The following CSTF3 variants were observed in gnomAD, a reference collection of about 807,000 sequenced individuals.
CSTF3 encodes the protein cleavage stimulation factor subunit 3, also known as CF-1 77 kDa subunit.
In CSTF3, 29 loss-of-function variants were observed where a neutral mutation model predicts 105.8. The observed-to-expected ratio is 0.27, with a 90% CI of 0.20 to 0.37. The LOEUF is 0.37. CSTF3 is among the 10% of genes least tolerant of loss of function. The pLI, the probability that CSTF3 is intolerant of heterozygous loss-of-function variation, is 1.00. For synonymous variants in CSTF3, 252 were observed against 281.9 expected, an observed-to-expected ratio of 0.89 and a Z score of 1.06; for missense variants, 357 against 879.3, an observed-to-expected ratio of 0.41 and a Z score of 7.51.
intron 20 of CSTF3, 132 bp downstream of exon 20, chr11:33,085,581 A>G: frequency 1.3e-6 from 1 of 773,624 alleles, no homozygotes; most frequent in Non-Finnish European, 2.2e-6. Flanking sequence ...GGTTTGGGTA[A>G]CTCCTGGGTT....
chr11:33,122,929 A>G (rs1295608818), intron 3 of CSTF3, among the ~76,000 whole-genome samples: 4 of 147,538 alleles, frequency 2.7e-5, no homozygotes, highest in East Asian at 1.9e-4. Flanking sequence ...AAAAAAAAAA[A>G]AAAAAGAAAA....
At chr11:33,098,289 C>T (rs975807875) in intron 13 of CSTF3, among the ~76,000 whole-genome samples, 1 of 152,094 alleles carries the variant, frequency 6.6e-6, no homozygotes, top group Admixed American at 6.6e-5. Context: ...TCGGTTTCTC[C>T]CGCCTCATTT....
chr11:33,107,802 A>T lies in CSTF3; in HGVS notation c.356+101T>A, dbSNP rs533335215. ...GGAAATCCTGACTTTTCAAATCCTGATAATTCTTCCCACTTGGGGCTAACA... is the reference window on the plus strand; with the variant it reads ...GGAAATCCTGACTTTTCAAATCCTGTTAATTCTTCCCACTTGGGGCTAACA... On this transcript the variant is annotated intron_variant, in intron 5 of 20. Coordinates refer to ENST00000323959, the MANE Select transcript of CSTF3 (RefSeq NM_001326.3). 8 of 652,596 alleles carry T rather than the reference A, an allele frequency of 1.2e-5. No homozygotes were observed. In the East Asian group the frequency reaches 2.4e-4, roughly 19 times the overall value. The allele number at this position is 652,596 out of a possible 1,614,324, so 40.4% of individuals were successfully genotyped here.
chr11:33,118,804 C>A (rs1262327418), intron 3 of CSTF3, among the ~76,000 whole-genome samples: 3 of 150,558 alleles, frequency 2.0e-5, no homozygotes, highest in African/African-American at 7.3e-5. Context: ...GAATGGTAAT[C>A]AAGTAGATTG....
intron 3 of CSTF3, among the ~76,000 whole-genome samples, chr11:33,134,183 C>G (rs891980103): frequency 6.6e-6 from 1 of 152,106 alleles, no homozygotes; most frequent in African/African-American, 2.4e-5. Context: ...TTTGTAAGTT[C>G]AAAGTAATTT....
intron 3 of CSTF3, among the ~76,000 whole-genome samples, chr11:33,127,508 A>G (rs568883261): frequency 6.6e-6 from 1 of 152,258 alleles, no homozygotes; most frequent in African/African-American, 2.4e-5. Flanking sequence ...ACACATTCTT[A>G]TTTATATTTC....
intron 1 of CSTF3, chr11:33,144,963 C>T: frequency 6.2e-6 from 1 of 161,666 alleles, no homozygotes; most frequent in South Asian, 1.1e-4. Flanking sequence ...GGTGACAGAG[C>T]CAGACCCTGT....
chr11:33,126,035 T>C (rs1017906036), intron 3 of CSTF3, among the ~76,000 whole-genome samples: 1 of 152,160 alleles, frequency 6.6e-6, no homozygotes, highest in Non-Finnish European at 1.5e-5. Context: ...AGTATTTTAT[T>C]AATATCAAGC....
At chr11:33,085,412 TACTA>T (rs1243305918) in intron 20 of CSTF3, 123 bp from the exon 21 acceptor site, 13 of 787,696 alleles carry the variant, frequency 1.7e-5, no homozygotes. Context: ...GTACTACTGA[TACTA>T]AATAATTAAA....
At chr11:33,121,253 G>T (rs569623158) in intron 3 of CSTF3, among the ~76,000 whole-genome samples, 1 of 151,952 alleles carries the variant, frequency 6.6e-6, no homozygotes, top group East Asian at 1.9e-4. Flanking sequence ...AGATTTAGAC[G>T]TGAATTTCTT....
intron 3 of CSTF3, among the ~76,000 whole-genome samples, chr11:33,130,494 G>C (rs890516969): frequency 1.1e-4 from 16 of 151,866 alleles, no homozygotes; most frequent in African/African-American, 3.6e-4. Flanking sequence ...ATAAATAAGA[G>C]ATCATAGGGA....
At position 33,105,603 on chromosome 11, in the gene CSTF3, A is replaced by G. The variant is rs1256043142; in HGVS notation, c.549T>C (p.Ile183=). The G allele has an allele frequency of 3.7e-6, 6 of 1,613,636 alleles. No homozygotes were observed. The Admixed American group carries it at 1.0e-4, about 27-fold the overall frequency. The change falls in exon 8 of 21, where the codon ATT becomes ATC. Residue 183 remains isoleucine (I), a synonymous_variant. Coordinates refer to ENST00000323959, the MANE Select transcript of CSTF3 (RefSeq NM_001326.3). The part of the protein sequence containing the change: ...QRGCVNPMIN[I]EQLWRDYNKY... ...TGTTATAGTCTCTCCAGAGCTGTTC[A>G]ATGTTGATCATCGGATTAACACAAC...
intron 5 of CSTF3, among the ~76,000 whole-genome samples, chr11:33,106,809 C>G (rs1438728153): frequency 6.6e-6 from 1 of 152,096 alleles, no homozygotes; most frequent in East Asian, 1.9e-4. Flanking sequence ...TAATTCTATA[C>G]ATAGCAGATT....
At chr11:33,102,119 GA>G (rs1855286815) in intron 10 of CSTF3, 57 bp downstream of exon 10, 3 of 1,459,014 alleles carry the variant, frequency 2.1e-6, no homozygotes, top group Non-Finnish European at 2.9e-6. Flanking sequence ...AACCTATGGG[GA>G]TACCAAGTGG....
Position 33,108,993 on chromosome 11 carries a change from G to A in CSTF3, c.226-575C>T, listed in dbSNP as rs139823864. On this transcript the variant is annotated intron_variant, in intron 3 of 20. Transcript: ENST00000323959. ...TCATTGTAAGATATTATGGTTAAGT[G>A]CTAAAATGAAGAAAGTACTGGGTGC... 1.8e-3 allele frequency among the ~76,000 whole-genome samples: 268 copies of A among 152,276 alleles called. 1 individual carries two copies. Among genetic ancestry groups the A allele is most frequent in the African/African-American group, 6.2e-3 (258 of 41,540 alleles).
chr11:33,143,348 A>C, intron 1 of CSTF3, among the ~76,000 whole-genome samples: 1 of 152,202 alleles, frequency 6.6e-6, no homozygotes, highest in Non-Finnish European at 1.5e-5. Flanking sequence ...AAATGCCTAA[A>C]ATAGTAGCCA....
intron 10 of CSTF3, among the ~76,000 whole-genome samples, chr11:33,100,036 C>T (rs10836022): frequency 0.56 from 84,418 of 151,682 alleles, 26,085 homozygotes; most frequent in Non-Finnish European, 0.69. Flanking sequence ...TGAGACCAGG[C>T]GTGTGCCACC....
At chr11:33,086,057 G>T in intron 18 of CSTF3, 68 bp from the exon 19 acceptor site, 1 of 968,886 alleles carries the variant, frequency 1.0e-6, no homozygotes, top group South Asian at 2.5e-5. Context: ...AAAATCAAGT[G>T]ACTTGCACAT....
chr11:33,115,813 T>C (rs764738246), intron 3 of CSTF3, among the ~76,000 whole-genome samples: 27 of 152,352 alleles, frequency 1.8e-4, no homozygotes, highest in Non-Finnish European at 3.5e-4. Flanking sequence ...TAGTAGTTCA[T>C]GCCTATATCT....
Sources: allele counts gnomAD v4.1 joint callset (sites outside exome capture counted in the v4.1 genomes callset), GRCh38; gene constraint gnomAD v4.1.1; transcripts MANE v1.5; gene names NCBI Gene and HGNC (gene_info 2026-07-23, HGNC 2026-07-21).